SGCZ: variants seen among roughly 807,000 people sequenced by gnomAD.
SGCZ encodes the protein zeta-sarcoglycan.
A neutral mutation model predicts 41.3 loss-of-function variants in SGCZ; 40 were observed. The ratio of observed to expected loss-of-function variants is 0.97; its 90% CI spans 0.75 to 1.26. The LOEUF is 1.26. SGCZ is among the 50% of genes most tolerant of loss of function. The pLI, the probability that SGCZ is intolerant of heterozygous loss-of-function variation, is 0.00. For synonymous variants in SGCZ, 206 were observed against 137.5 expected (o/e 1.50, Z -3.49); for missense variants, 552 against 369.8 (o/e 1.49, Z -4.04).
intron 1 of SGCZ, among the ~76,000 whole-genome samples, chr8:14,905,382 G>A (rs1464653295): frequency 6.6e-6 from 1 of 151,914 alleles, no homozygotes; most frequent in Non-Finnish European, 1.5e-5. Context: ...ACTACGACAT[G>A]ACATCACACC....
intron 1 of SGCZ, among the ~76,000 whole-genome samples, chr8:14,975,597 C>T (rs139272838): frequency 7.2e-4 from 110 of 152,154 alleles, no homozygotes; most frequent in African/African-American, 2.5e-3. Context: ...CTTCCACTGA[C>T]AGATATTATA....
At chr8:14,459,752 A>G (rs538147810) in intron 2 of SGCZ, among the ~76,000 whole-genome samples, 3 of 152,236 alleles carry the variant, frequency 2.0e-5, no homozygotes, top group East Asian at 3.9e-4. Flanking sequence ...AAAAGGGAAC[A>G]CTACTATGGT....
chr8:14,342,636 A>G (rs1208447933), intron 2 of SGCZ, among the ~76,000 whole-genome samples: 1 of 152,170 alleles, frequency 6.6e-6, no homozygotes, highest in Non-Finnish European at 1.5e-5. Flanking sequence ...ATTTCTCAGC[A>G]GCAGAGCATT....
chr8:14,686,009 C>T (rs1351053107), intron 1 of SGCZ, among the ~76,000 whole-genome samples: 6 of 151,978 alleles, frequency 3.9e-5, no homozygotes, highest in Non-Finnish European at 7.4e-5. Context: ...TTAAGGAAGC[C>T]CATACTTCTA....
intron 1 of SGCZ, among the ~76,000 whole-genome samples, chr8:14,556,839 G>A (rs1293604659): frequency 6.6e-6 from 1 of 151,982 alleles, no homozygotes; most frequent in Non-Finnish European, 1.5e-5. Context: ...ATTGACTGAT[G>A]GGCATTTGGG....
intron 1 of SGCZ, among the ~76,000 whole-genome samples, chr8:15,181,353 T>C (rs958493984): frequency 6.6e-6 from 1 of 152,086 alleles, no homozygotes; most frequent in African/African-American, 2.4e-5. Context: ...AGAATAAAGA[T>C]ATACCACAGA....
intron 5 of SGCZ, among the ~76,000 whole-genome samples, chr8:14,141,666 A>G (rs1803374001): frequency 6.6e-6 from 1 of 152,212 alleles, no homozygotes; most frequent in Non-Finnish European, 1.5e-5. Flanking sequence ...TCGGGAAACA[A>G]CAGATGCTGG....
chr8:14,122,709 A>G lies in SGCZ; in HGVS notation c.548-14474T>C, dbSNP rs147355618. On this transcript the variant is annotated intron_variant, in intron 5 of 7. Coordinates refer to ENST00000382080, the MANE Select transcript of SGCZ (RefSeq NM_139167.4). ...CTGGCTAATTCCAGTTAGCAGCCATATTTTCAAGTTGTGGTCAACTCATTT... is the reference window on the plus strand; with the variant it reads ...CTGGCTAATTCCAGTTAGCAGCCATGTTTTCAAGTTGTGGTCAACTCATTT... Among the ~76,000 whole-genome samples, 3 of 152,216 alleles carry G rather than the reference A, an allele frequency of 2.0e-5. No homozygotes were observed. In the East Asian group the frequency reaches 5.8e-4, roughly 29 times the overall value.
At chr8:15,154,850 G>A (rs546105792) in intron 1 of SGCZ, among the ~76,000 whole-genome samples, 251 of 152,284 alleles carry the variant, frequency 1.6e-3, no homozygotes, top group African/African-American at 5.6e-3. Context: ...AACATGAGAG[G>A]TTGGTTAACA....
chr8:15,113,021 C>A (rs979493777), intron 1 of SGCZ, among the ~76,000 whole-genome samples: 2 of 152,004 alleles, frequency 1.3e-5, no homozygotes, highest in East Asian at 1.9e-4. Context: ...CCAGCCTGGG[C>A]AACATGGTGA....
intron 2 of SGCZ, among the ~76,000 whole-genome samples, chr8:14,453,941 G>T (rs1187728721): frequency 6.6e-6 from 1 of 151,914 alleles, no homozygotes; most frequent in Admixed American, 6.6e-5. Context: ...TAAATTACCA[G>T]AAATATTCTT....
intron 1 of SGCZ, among the ~76,000 whole-genome samples, chr8:14,759,388 A>G (rs896516374): frequency 6.6e-6 from 1 of 152,184 alleles, no homozygotes; most frequent in Non-Finnish European, 1.5e-5. Context: ...TGTTTTCTCA[A>G]ACTTTAATTC....
chr8:14,551,528 TATATAA>T (rs1803838921), intron 2 of SGCZ, among the ~76,000 whole-genome samples: 1 of 9,864 alleles, frequency 1.0e-4, no homozygotes, highest in Non-Finnish European at 1.6e-4. Flanking sequence ...ATATATAATA[TATATAA>T]TATATATAAT....
intron 3 of SGCZ, among the ~76,000 whole-genome samples, chr8:14,254,525 T>TA (rs1346582633): frequency 3.3e-5 from 5 of 152,188 alleles, no homozygotes; most frequent in Non-Finnish European, 2.9e-5. Context: ...TGAATAGTGT[T>TA]AAAAAAGATT....
intron 3 of SGCZ, among the ~76,000 whole-genome samples, chr8:14,246,320 A>C (rs1023954211): frequency 1.3e-5 from 2 of 152,124 alleles, no homozygotes; most frequent in Non-Finnish European, 2.9e-5. Flanking sequence ...ACTGGAAATC[A>C]TCATTCTCAG....
At chr8:14,373,372 C>T (rs1803981632) in intron 2 of SGCZ, among the ~76,000 whole-genome samples, 1 of 152,094 alleles carries the variant, frequency 6.6e-6, no homozygotes, top group African/African-American at 2.4e-5. Flanking sequence ...ATATATAATT[C>T]TAAAATTCAA....
At chr8:14,239,385 T>C (rs1806890007) in intron 3 of SGCZ, among the ~76,000 whole-genome samples, 1 of 152,122 alleles carries the variant, frequency 6.6e-6, no homozygotes, top group African/African-American at 2.4e-5. Flanking sequence ...AGGAAAAGTC[T>C]ATGAAACATC....
intron 1 of SGCZ, among the ~76,000 whole-genome samples, chr8:15,151,349 A>G (rs543758196): frequency 1.2e-4 from 19 of 152,364 alleles, no homozygotes; most frequent in Non-Finnish European, 2.8e-4. Flanking sequence ...TTTGTTGTTC[A>G]AGCCATTCAA....
chr8:14,774,386 A>T (rs41416745), intron 1 of SGCZ, among the ~76,000 whole-genome samples: 3,641 of 152,262 alleles, frequency 0.024, 69 homozygotes, highest in Non-Finnish European at 0.032. Context: ...AAACTCTAAC[A>T]TACTCCGCAA....
Sources: gnomAD v4.1 joint callset for allele counts (sites outside exome capture counted in the v4.1 genomes callset) on GRCh38, gnomAD v4.1.1 for gene constraint, MANE v1.5 for transcripts, NCBI Gene and HGNC (gene_info 2026-07-23, HGNC 2026-07-21) for gene names.